Variants in PINK1 observed in about 807,000 individuals in gnomAD.
PINK1 encodes the protein PTEN induced kinase 1, also known as serine/threonine-protein kinase PINK1, mitochondrial.
A neutral mutation model predicts 56.0 loss-of-function variants in PINK1; 58 were observed. The observed-to-expected ratio is 1.04, with a 90% CI of 0.84 to 1.29. The LOEUF is 1.29. PINK1 is among the 50% of genes most tolerant of loss of function. The pLI, the probability that PINK1 is intolerant of heterozygous loss-of-function variation, is 0.00. For missense variants in PINK1, 745 were observed against 777.9 expected (o/e 0.96, Z 0.50); for synonymous variants, 354 against 339.3 (o/e 1.04, Z -0.48).
chr1:20,635,238 C>T (rs1400885782), intron 1 of PINK1, among the ~76,000 whole-genome samples: 1 of 152,196 alleles, frequency 6.6e-6, no homozygotes, highest in Non-Finnish European at 1.5e-5. Flanking sequence ...CACTGTGGCT[C>T]ATGCCTGTAA....
chr1:20,640,478 G>A (rs1231688272), intron 3 of PINK1, among the ~76,000 whole-genome samples: 1 of 152,176 alleles, frequency 6.6e-6, no homozygotes, highest in Non-Finnish European at 1.5e-5. Context: ...CTAGAATCGA[G>A]TATGCTTGGG....
chr1:20,648,421 C>T, intron 5 of PINK1, 84 bp from the exon 6 acceptor site: 1 of 1,585,592 alleles, frequency 6.3e-7, no homozygotes, highest in Non-Finnish European at 8.6e-7. Flanking sequence ...CTATGTCTTG[C>T]TGGTGGCTTT....
rs115188144 is a variant in PINK1, at chr1:20,639,593, G to A, written c.676-299G>A. ...TGAACTGGTGGGGACCAGAGGCACC[G>A]ATGGCAGGAAGCAGCACCCCATATC... On this transcript the variant is annotated intron_variant, in intron 2 of 7. Transcript: ENST00000321556. 0.014 allele frequency: 6,179 copies of A among 446,210 alleles called. 175 individuals are homozygous for A. Among genetic ancestry groups the A allele is most frequent in the African/African-American group, 0.053 (2,664 of 50,192 alleles). The allele number at this position is 446,210 out of a possible 1,614,324, so 27.6% of individuals were successfully genotyped here.
chr1:20,637,783 C>G, intron 1 of PINK1, 59 bp from the exon 2 acceptor site: 1 of 1,595,938 alleles, frequency 6.3e-7, no homozygotes, highest in Admixed American at 1.7e-5. Context: ...TCCCCTGTTT[C>G]CCTTTTCTTG....
At chr1:20,648,427 G>A in intron 5 of PINK1, 78 bp from the exon 6 acceptor site, 2 of 1,596,066 alleles carry the variant, frequency 1.3e-6, no homozygotes, top group Non-Finnish European at 8.5e-7. Flanking sequence ...CTTGCTGGTG[G>A]CTTTAGTAGG....
chr1:20,647,602 C>T (rs1027096421), intron 5 of PINK1, among the ~76,000 whole-genome samples: 3 of 150,838 alleles, frequency 2.0e-5, no homozygotes, highest in Admixed American at 6.7e-5. Flanking sequence ...TCCTGAGTAG[C>T]TGGGATTACA....
Position 20,645,650 on chromosome 1 carries a change from G to A in PINK1, c.1050G>A (p.Val350=), listed in dbSNP as rs1173390908. The change falls in exon 5 of 8, where the codon GTG becomes GTA. Residue 350 remains valine (V), a synonymous_variant. Coordinates refer to ENST00000321556, the MANE Select transcript of PINK1 (RefSeq NM_032409.3). ...AMMLLQLLEG[V]DHLVQQGIAH... ...TGCTGCTGCAGCTGCTGGAAGGCGT[G>A]GACCATCTGGTTCAACAGGGCATCG... 7 of 1,614,112 alleles carry A rather than the reference G, an allele frequency of 4.3e-6. No individual in the cohort carries two copies. The highest frequency in any genetic ancestry group is 1.7e-6 in the Non-Finnish European group (2 of 1,180,046).
chr1:20,645,073 C>T (rs1043123996), intron 4 of PINK1, among the ~76,000 whole-genome samples: 6 of 152,126 alleles, frequency 3.9e-5, no homozygotes, highest in Admixed American at 1.3e-4. Flanking sequence ...TAGGGAGCCC[C>T]AACTCTTACT....
chr1:20,648,736 C>T (rs2053219743), intron 6 of PINK1, 104 bp downstream of exon 6: 1 of 1,546,136 alleles, frequency 6.5e-7, no homozygotes, highest in African/African-American at 1.4e-5. Flanking sequence ...TCCATCTTTT[C>T]TGACCCATAA....
chr1:20,639,768 A>C, intron 2 of PINK1, 124 bp from the exon 3 acceptor site: 4 of 817,550 alleles, frequency 4.9e-6, no homozygotes, highest in Non-Finnish European at 8.1e-6. Context: ...AGGTCATCTT[A>C]TCTCGAAGGT....
At chr1:20,646,041 G>A (rs566184338) in intron 5 of PINK1, among the ~76,000 whole-genome samples, 1 of 152,182 alleles carries the variant, frequency 6.6e-6, no homozygotes, top group Admixed American at 6.5e-5. Context: ...TGGGAGGCTT[G>A]CTTGAGGATT....
At chr1:20,648,359 C>T (rs772239089) in intron 5 of PINK1, 146 bp from the exon 6 acceptor site, 21 of 1,208,434 alleles carry the variant, frequency 1.7e-5, no homozygotes, top group African/African-American at 1.1e-4. Context: ...CTGATCAGCT[C>T]TCAGGCCTTG....
chr1:20,633,976 T>C, intron 1 of PINK1, 41 bp downstream of exon 1: 1 of 1,508,476 alleles, frequency 6.6e-7, no homozygotes. Context: ...AGGACGGAGC[T>C]AAGCGCGGGG....
rs559676370 is a variant in PINK1 at position 20,642,307 on chromosome 1, T to G, written c.777-2183T>G. Among the ~76,000 whole-genome samples, 9 of 152,324 alleles carry G rather than the reference T, an allele frequency of 5.9e-5. No individual in the cohort carries two copies. In the East Asian group the frequency reaches 1.4e-3, roughly 23 times the overall value. On this transcript the variant is annotated intron_variant, in intron 3 of 7. Transcript: ENST00000321556. ...GCTTTCTATTGTGAGTCGACTCATA[T>G]GGAGACAGGAGTTGAATTCAACCCT...
In PINK1 at chr1:20,641,101, C is replaced by G. The variant is rs2053111327; in HGVS notation, c.776+1109C>G. ...GCATTTTTGGTGATTTACTGGAGGG[C>G]TGGTTTATAGATCTTCATTCTGTCA... is the stretch of plus-strand genomic sequence containing the variant. On this transcript the variant is annotated intron_variant, in intron 3 of 7. Transcript: ENST00000321556. This position sits in a 1 kb window ranked among gnomAD's most constrained non-coding sequence, Gnocchi z 4.0. 6.6e-6 allele frequency among the ~76,000 whole-genome samples: 1 copy of G among 151,968 alleles called. No individual in the cohort carries two copies. The highest frequency in any genetic ancestry group is 2.1e-4 in the South Asian group (1 of 4,816).
In PINK1 at chr1:20,639,879, G is replaced by GT; in HGVS notation, c.676-12dup. ...CGGCCTGTGTAACCCTGGGTTCCTT[G>GT]TGGGTGTTCCAGGCAGGTTCCTCCA... On this transcript the variant is annotated splice_polypyrimidine_tract_variant and intron_variant, in intron 2 of 7. Transcript: ENST00000321556. 6.2e-7 allele frequency: 1 copy of GT among 1,608,392 alleles called. No homozygotes were observed. The highest frequency in any genetic ancestry group is 8.5e-7 in the Non-Finnish European group (1 of 1,177,634).
At position 20,637,913 on chromosome 1, in the gene PINK1, G is replaced by A. The variant is rs1431994824; in HGVS notation, c.459G>A (p.Leu153=). 1.2e-6 allele frequency: 2 copies of A among 1,614,092 alleles called. No homozygotes were observed. The highest frequency in any genetic ancestry group is 2.7e-5 in the African/African-American group (2 of 74,918). The part of the protein sequence containing the change: ...LDTRRLQGFR[L]EEYLIGQSIG... ...CGAGACGCTTGCAGGGCTTTCGGCT[G>A]GAGGAGTATCTGATAGGGCAGTCCA... Residue 153 remains leucine (L), a synonymous_variant, in exon 2 of 8, where the codon CTG becomes CTA. Coordinates refer to ENST00000321556, the MANE Select transcript of PINK1 (RefSeq NM_032409.3).
intron 3 of PINK1, 25 bp from the exon 4 acceptor site, chr1:20,644,465 A>G (rs2053151191): frequency 1.2e-6 from 2 of 1,612,670 alleles, no homozygotes; most frequent in Middle Eastern, 1.7e-4. Flanking sequence ...CTGGCCTCAT[A>G]TGTTTGTCTC....
At chr1:20,650,253 C>G in intron 7 of PINK1, 181 bp from the exon 8 acceptor site, 1 of 781,894 alleles carries the variant, frequency 1.3e-6, no homozygotes, top group South Asian at 1.6e-5. Flanking sequence ...CATGGAAAAG[C>G]TTGGAGCACG....
Sources: gnomAD v4.1 joint callset for allele counts (sites outside exome capture counted in the v4.1 genomes callset) on GRCh38, gnomAD v4.1.1 for gene constraint, Gnocchi (gnomAD v3.1) non-coding constraint, MANE v1.5 for transcripts, NCBI Gene and HGNC (gene_info 2026-07-23, HGNC 2026-07-21) for gene names.